Variants in PCDHGB3 observed in about 807,000 individuals in gnomAD.
The protein encoded by PCDHGB3 is protocadherin gamma-B3.
PCDHGB3 carries 40 observed loss-of-function variants against 59.2 expected under a neutral mutation model. The ratio of observed to expected loss-of-function variants is 0.68; its 90% CI spans 0.52 to 0.88. The LOEUF (loss-of-function observed/expected upper bound fraction) is 0.88. Ranked by LOEUF, PCDHGB3 falls within the 40% of genes least tolerant of loss-of-function variation. The pLI is 0.00. For synonymous variants in PCDHGB3, 581 were observed against 503.6 expected (o/e 1.15, Z -2.06); for missense variants, 1,309 against 1,187.9 (o/e 1.10, Z -1.50).
intron 1 of PCDHGB3, chr5:141,426,599 A>G (rs1171205143): frequency 2.7e-6 from 1 of 377,348 alleles, no homozygotes; most frequent in Non-Finnish European, 5.4e-6. Flanking sequence ...TCATACCCTT[A>G]GAGATTGTAG....
Position 141,410,369 on chromosome 5 carries a change from A to T in PCDHGB3, c.2415+37560A>T, listed in dbSNP as rs754541017. Reference sequence around the variant, plus strand: ...CCTGCGACGCTCTCTCAGCCCTGCTACTTGGGACTGCTTCCATCCTGGTCT... The same window carrying T: ...CCTGCGACGCTCTCTCAGCCCTGCTTCTTGGGACTGCTTCCATCCTGGTCT... On this transcript the variant is annotated intron_variant, in intron 1 of 3. Coordinates refer to ENST00000576222, the MANE Select transcript of PCDHGB3 (RefSeq NM_018924.5). The T allele has an allele frequency of 5.6e-6, 9 of 1,613,836 alleles. No homozygotes were observed. The African/African-American group carries it at 1.2e-4, about 22-fold the overall frequency.
intron 1 of PCDHGB3, among the ~76,000 whole-genome samples, chr5:141,439,459 A>ACTG (rs1234039449): frequency 6.6e-6 from 1 of 152,222 alleles, no homozygotes; most frequent in Non-Finnish European, 1.5e-5. Flanking sequence ...GCAAGACTGC[A>ACTG]CTGCTGCCTT....
chr5:141,374,250 C>T lies in PCDHGB3; in HGVS notation c.2415+1441C>T, dbSNP rs533179881. The T allele has an allele frequency of 2.5e-6, 4 of 1,613,890 alleles. No homozygotes were observed. The African/African-American group carries it at 5.3e-5, about 22-fold the overall frequency. ...ATCGTCAAGGATCTGGGACTGGAGC[C>T]CCAGGAGTTGGCGGAGCACGGAGTC... On this transcript the variant is annotated intron_variant, in intron 1 of 3. Transcript: ENST00000576222.
At chr5:141,380,617 C>T (rs1024348906) in intron 1 of PCDHGB3, among the ~76,000 whole-genome samples, 3 of 152,156 alleles carry the variant, frequency 2.0e-5, no homozygotes, top group Admixed American at 6.5e-5. Context: ...TTATGATGTT[C>T]GATAACTTAG....
chr5:141,477,752 G>C lies in PCDHGB3; in HGVS notation c.2416-17055G>C. On this transcript the variant is annotated intron_variant, in intron 1 of 3. Coordinates refer to ENST00000576222, the MANE Select transcript of PCDHGB3 (RefSeq NM_018924.5). This position sits in a 1 kb window ranked among gnomAD's most constrained non-coding sequence, Gnocchi z 4.9. ...TCATATCAGCGATGGGGGCACCCCG[G>C]TCCTAGCCACCAACATCAGCGTGAA... The C allele has an allele frequency of 6.2e-7, 1 of 1,613,868 alleles. No homozygotes were observed.
In PCDHGB3 at chr5:141,389,786, C is replaced by T. The variant is rs368188508; in HGVS notation, c.2415+16977C>T. 6.2e-6 allele frequency: 10 copies of T among 1,613,252 alleles called. No homozygotes were observed. The African/African-American group carries it at 1.1e-4, about 17-fold the overall frequency. The stretch of plus-strand genomic sequence containing the variant: ...CAGCGCGTGCCTTAGGCGACAGGGA[C>T]GCCGTCCGCCAGCGCCTTCTGGTCG... On this transcript the variant is annotated intron_variant, in intron 1 of 3. Transcript: ENST00000576222.
chr5:141,374,395 G>A, intron 1 of PCDHGB3: 1 of 1,614,050 alleles, frequency 6.2e-7, no homozygotes, highest in South Asian at 1.1e-5. Context: ...GGTGTCTGGT[G>A]AGTTTTAACA....
At chr5:141,385,408 A>G in intron 1 of PCDHGB3, 1 of 1,478,414 alleles carries the variant, frequency 6.8e-7, no homozygotes, top group Middle Eastern at 1.8e-4. Flanking sequence ...TGTTTTGAAA[A>G]TAGGGATTTA....
chr5:141,394,208 C>T (rs972602841), intron 1 of PCDHGB3: 2 of 1,613,814 alleles, frequency 1.2e-6, no homozygotes, highest in African/African-American at 1.3e-5. Context: ...TAGAGAACAA[C>T]CTGAGAGGAG....
At chr5:141,383,704 C>A in intron 1 of PCDHGB3, 1 of 1,613,980 alleles carries the variant, frequency 6.2e-7, no homozygotes, top group South Asian at 1.1e-5. Flanking sequence ...TGCTATCGAC[C>A]TGGACGAGGG....
intron 1 of PCDHGB3, among the ~76,000 whole-genome samples, chr5:141,449,030 G>C (rs2098623784): frequency 6.6e-6 from 1 of 152,012 alleles, no homozygotes; most frequent in Non-Finnish European, 1.5e-5. Context: ...GCATTCCTTT[G>C]GATTATTAAC....
At chr5:141,388,773 G>T (rs769358867) in intron 1 of PCDHGB3, 12 of 1,613,808 alleles carry the variant, frequency 7.4e-6, no homozygotes, top group Non-Finnish European at 9.3e-6. Context: ...CTCTAACACC[G>T]GGGAAATTAC....
At chr5:141,433,837 C>CAAAA (rs56191208) in intron 1 of PCDHGB3, among the ~76,000 whole-genome samples, 6 of 111,700 alleles carry the variant, frequency 5.4e-5, no homozygotes, top group African/African-American at 1.9e-4. Flanking sequence ...AACTCTATCT[C>CAAAA]AAAAAAAAAA....
chr5:141,436,267 T>C (rs2097805427), intron 1 of PCDHGB3, among the ~76,000 whole-genome samples: 1 of 152,198 alleles, frequency 6.6e-6, no homozygotes, highest in South Asian at 2.1e-4. Flanking sequence ...TCTGCTCACC[T>C]AACTTGATTT....
At chr5:141,428,290 C>G in intron 1 of PCDHGB3, 2 of 726,802 alleles carry the variant, frequency 2.8e-6, no homozygotes, top group Non-Finnish European at 4.8e-6. Context: ...CCAAGCAAAG[C>G]TGCAGATTTA....
At chr5:141,412,561 T>G (rs1183372771) in intron 1 of PCDHGB3, 3 of 152,184 alleles carry the variant, frequency 2.0e-5, no homozygotes, top group Admixed American at 6.5e-5. Context: ...TCTCATGAGT[T>G]TATTTAATAT....
rs199952854 is a variant in PCDHGB3 at position 141,477,297 on chromosome 5, G to T, written c.2416-17510G>T. 4 of 1,614,176 alleles carry T rather than the reference G, an allele frequency of 2.5e-6. No individual in the cohort carries two copies. Among genetic ancestry groups the T allele is most frequent in the Non-Finnish European group, 3.4e-6 (4 of 1,180,040 alleles). On this transcript the variant is annotated intron_variant, in intron 1 of 3. Coordinates refer to ENST00000576222, the MANE Select transcript of PCDHGB3 (RefSeq NM_018924.5). The surrounding 1 kb of genome is among the most constrained non-coding windows in gnomAD (Gnocchi z 4.9). ...CTGGTGACCTGCGAAGTTCCACCGGGTCTCCCTTTCAGCCTTACTTCTTCC... is the reference window on the plus strand; with the variant it reads ...CTGGTGACCTGCGAAGTTCCACCGGTTCTCCCTTTCAGCCTTACTTCTTCC...
In PCDHGB3 at chr5:141,432,677, C is replaced by T. The variant is rs1241190176; in HGVS notation, c.2415+59868C>T. On this transcript the variant is annotated intron_variant, in intron 1 of 3. Transcript: ENST00000576222. This position sits in a 1 kb window ranked among gnomAD's most constrained non-coding sequence, Gnocchi z 6.0. ...CCTGCTGGACAGAGACGCGCTCAAGCAGAGCCTCGTAGTGGCCGTCCAGGA... is the reference window on the plus strand; with the variant it reads ...CCTGCTGGACAGAGACGCGCTCAAGTAGAGCCTCGTAGTGGCCGTCCAGGA... The T allele has an allele frequency of 1.2e-6, 2 of 1,613,942 alleles. No individual in the cohort carries two copies. The highest frequency in any genetic ancestry group is 1.1e-5 in the South Asian group (1 of 91,076).
intron 1 of PCDHGB3, among the ~76,000 whole-genome samples, chr5:141,492,920 G>A (rs2099745093): frequency 6.6e-6 from 1 of 152,198 alleles, no homozygotes; most frequent in African/African-American, 2.4e-5. Context: ...TGTGCCCAGC[G>A]ATCTAGGGTC....
Sources: gnomAD v4.1 joint callset for allele counts (sites outside exome capture counted in the v4.1 genomes callset) on GRCh38, gnomAD v4.1.1 for gene constraint, Gnocchi (gnomAD v3.1) non-coding constraint, MANE v1.5 for transcripts, NCBI Gene and HGNC (gene_info 2026-07-23, HGNC 2026-07-21) for gene names.